The following MAOA variants were observed in gnomAD, a reference collection of about 807,000 sequenced individuals.
MAOA encodes amine oxidase [flavin-containing] A.
In MAOA, 6 loss-of-function variants were observed where a neutral mutation model predicts 42.0. That is an observed-to-expected ratio of 0.14 (90% CI 0.08 to 0.28). The LOEUF is 0.28. MAOA is among the 10% of genes least tolerant of loss of function. The pLI is 1.00. For synonymous variants in MAOA, 140 were observed against 154.0 expected, an observed-to-expected ratio of 0.91 and a Z score of 0.67; for missense variants, 262 against 422.3, an observed-to-expected ratio of 0.62 and a Z score of 3.33.
intron 1 of MAOA, among the ~76,000 whole-genome samples, chrX:43,657,173 CTGTGTTTATATATATATATGAACTG>C (rs2033188551): frequency 1.3e-5 from 1 of 77,950 alleles, no homozygotes; most frequent in Non-Finnish European, 2.4e-5. Flanking sequence ...TATATATGAA[CTGTGTTTATATATATATATGAACTG>C]TGTTTATATA....
At chrX:43,728,099 G>T in intron 5 of MAOA, 74 bp from the exon 6 acceptor site, 1 of 1,011,746 alleles carries the variant, frequency 9.9e-7, no homozygotes, top group Non-Finnish European at 1.4e-6. Flanking sequence ...ACACTAAATC[G>T]TGTTGTAAAA....
At chrX:43,681,182 A>G (rs1439609546) in intron 1 of MAOA, among the ~76,000 whole-genome samples, 1 of 111,490 alleles carries the variant, frequency 9.0e-6, no homozygotes, top group Non-Finnish European at 1.9e-5. Context: ...TGTAGTGAGA[A>G]TTGATTTTTT....
chrX:43,702,957 C>T (rs746041827), intron 3 of MAOA, among the ~76,000 whole-genome samples: 2 of 111,152 alleles, frequency 1.8e-5, no homozygotes, highest in East Asian at 5.7e-4. Context: ...CAAAAGTGGA[C>T]CCTGGGACAC....
intron 11 of MAOA, among the ~76,000 whole-genome samples, chrX:43,740,982 G>A (rs2033956790): frequency 9.0e-6 from 1 of 111,521 alleles, no homozygotes; most frequent in African/African-American, 3.3e-5. Flanking sequence ...GCAGCCAATT[G>A]TAATGAGAGC....
intron 1 of MAOA, among the ~76,000 whole-genome samples, chrX:43,657,553 A>G (rs1193455019): frequency 9.0e-6 from 1 of 110,743 alleles, no homozygotes; most frequent in East Asian, 2.8e-4. Flanking sequence ...AAGCCTCATC[A>G]TGATTGATAT....
intron 1 of MAOA, among the ~76,000 whole-genome samples, chrX:43,681,519 G>T (rs1049074241): frequency 9.1e-6 from 1 of 110,407 alleles, no homozygotes; most frequent in Non-Finnish European, 1.9e-5. Context: ...AATTGTTATT[G>T]AAAAAAAATG....
chrX:43,685,029 C>G (rs747125372), intron 2 of MAOA, among the ~76,000 whole-genome samples: 17 of 108,475 alleles, frequency 1.6e-4, no homozygotes, highest in East Asian at 5.8e-4. Context: ...AGGCACCCCC[C>G]CCACCACGCC....
intron 1 of MAOA, among the ~76,000 whole-genome samples, chrX:43,666,952 T>A (rs920585973): frequency 4.2e-4 from 42 of 99,979 alleles, no homozygotes; most frequent in Admixed American, 2.0e-3. Context: ...ATGAGAACAC[T>A]TGGACACAGG....
intron 4 of MAOA, 142 bp downstream of exon 4, chrX:43,712,118 G>A (rs746001166): frequency 2.9e-4 from 143 of 499,959 alleles, no homozygotes; most frequent in African/African-American, 2.7e-3. Flanking sequence ...AAAGTTGGTC[G>A]TATTTCCACT....
At chrX:43,686,920 G>T (rs2033492526) in intron 2 of MAOA, among the ~76,000 whole-genome samples, 1 of 112,006 alleles carries the variant, frequency 8.9e-6, no homozygotes, top group African/African-American at 3.2e-5. Context: ...TTTGGGAGGA[G>T]ATGCCATAAA....
At chrX:43,660,020 C>A (rs761151799) in intron 1 of MAOA, among the ~76,000 whole-genome samples, 1 of 111,273 alleles carries the variant, frequency 9.0e-6, no homozygotes, top group South Asian at 3.8e-4. Flanking sequence ...GTATTCATAA[C>A]GTGAATAATG....
intron 1 of MAOA, among the ~76,000 whole-genome samples, chrX:43,658,944 T>A (rs186498012): frequency 9.0e-6 from 1 of 111,663 alleles, no homozygotes; most frequent in African/African-American, 3.3e-5. Context: ...CATGAATTAC[T>A]TAATAGTCCC....
intron 2 of MAOA, among the ~76,000 whole-genome samples, chrX:43,685,475 G>C (rs1314000482): frequency 8.9e-6 from 1 of 111,844 alleles, no homozygotes; most frequent in Non-Finnish European, 1.9e-5. Context: ...AATATCAATG[G>C]ATACTAGAAT....
chrX:43,670,716 C>T (rs775003988), intron 1 of MAOA, among the ~76,000 whole-genome samples: 6 of 104,959 alleles, frequency 5.7e-5, no homozygotes, highest in African/African-American at 7.0e-5. Flanking sequence ...TTTGTCCTTG[C>T]GATAGTTTAC....
chrX:43,736,330 G>A (rs781286513), intron 10 of MAOA, 50 bp downstream of exon 10: 344 of 844,553 alleles, frequency 4.1e-4, no homozygotes, highest in Non-Finnish European at 5.5e-4. Flanking sequence ...TTTGTATTTT[G>A]TTTTTGCACT....
At chrX:43,722,610 C>G (rs2033800381) in intron 5 of MAOA, among the ~76,000 whole-genome samples, 1 of 111,782 alleles carries the variant, frequency 8.9e-6, no homozygotes, top group Non-Finnish European at 1.9e-5. Flanking sequence ...GGGTAGATTA[C>G]AAAAATTTTC....
At chrX:43,705,913 T>C (rs2033655814) in intron 3 of MAOA, among the ~76,000 whole-genome samples, 1 of 112,052 alleles carries the variant, frequency 8.9e-6, no homozygotes, top group Admixed American at 9.5e-5. Context: ...CAATGAGATA[T>C]CCCTTCACAC....
At chrX:43,682,604 C>A (rs947148570) in intron 1 of MAOA, among the ~76,000 whole-genome samples, 3 of 111,991 alleles carry the variant, frequency 2.7e-5, no homozygotes, top group Non-Finnish European at 5.6e-5. Flanking sequence ...AGAGACACAT[C>A]TCCAGTGCAG....
intron 2 of MAOA, among the ~76,000 whole-genome samples, chrX:43,684,170 C>G (rs1035770611): frequency 8.9e-6 from 1 of 111,924 alleles, no homozygotes; most frequent in African/African-American, 3.3e-5. Context: ...AGAGATACTC[C>G]TCAGGTCGCG....
Sources: allele counts gnomAD v4.1 joint callset (sites outside exome capture counted in the v4.1 genomes callset), GRCh38; gene constraint gnomAD v4.1.1; transcripts MANE v1.5; gene names NCBI Gene and HGNC (gene_info 2026-07-23, HGNC 2026-07-21).